CDKL1: variants seen among roughly 807,000 people sequenced by gnomAD.
CDKL1 encodes the protein cyclin dependent kinase like 1, also known as cyclin-dependent kinase-like 1.
CDKL1 carries 41 observed loss-of-function variants against 42.0 expected under a neutral mutation model. The observed-to-expected ratio is 0.98, with a 90% CI of 0.76 to 1.27. The LOEUF is 1.27. Among genes scored for constraint, CDKL1 ranks in the 50% most tolerant of loss-of-function variants. CDKL1 has a pLI of 0.00. For synonymous variants in CDKL1, 153 were observed against 158.6 expected (o/e 0.96, Z 0.26); for missense variants, 394 against 428.4 (o/e 0.92, Z 0.71).
chr14:50,341,163 C>T lies in CDKL1; in HGVS notation c.524G>A (p.Gly175Glu), dbSNP rs751655740. The T allele has an allele frequency of 3.1e-6, 5 of 1,614,042 alleles. No homozygotes were observed. The highest frequency in any genetic ancestry group is 2.7e-5 in the African/African-American group (2 of 74,910). Reference protein sequence around the residue: ...RWYRSPELLVGDTQYGPPVDV... With the variant: ...RWYRSPELLVEDTQYGPPVDV... ...CACCGGGGGGCCGTACTGCGTGTCC[C>T]CCACCAGCAGCTCAGGGGAGCGGTA... Residue 175 changes from glycine to glutamate, a missense_variant, in exon 6 of 10, where the codon GGG (glycine) becomes GAG (glutamate). Physicochemically the swap from Gly to Glu is moderately conservative, Grantham distance 98. Coordinates refer to ENST00000395834, the MANE Select transcript of CDKL1 (RefSeq NM_004196.7).
intron 7 of CDKL1, chr14:50,335,336 A>G (rs1420429631): frequency 3.6e-6 from 2 of 560,276 alleles, no homozygotes; most frequent in East Asian, 3.1e-5. Context: ...CTCTAATTCT[A>G]ATTATATAAA....
At chr14:50,396,693 C>T in intron 1 of CDKL1, 131 bp downstream of exon 1, 1 of 158,160 alleles carries the variant, frequency 6.3e-6, no homozygotes, top group Non-Finnish European at 1.4e-5. Flanking sequence ...CCGCGCCCCG[C>T]GCCCCACGCC....
At chr14:50,369,263 G>A (rs1263554210) in intron 2 of CDKL1, among the ~76,000 whole-genome samples, 1 of 152,082 alleles carries the variant, frequency 6.6e-6, no homozygotes, top group Non-Finnish European at 1.5e-5. Flanking sequence ...TAGACTCTGT[G>A]GCACTTATGA....
chr14:50,336,020 T>C (rs755629644), intron 7 of CDKL1: 1 of 1,366,566 alleles, frequency 7.3e-7, no homozygotes, highest in Non-Finnish European at 9.8e-7. Flanking sequence ...AATATTTCTC[T>C]TGTTCTTTCT....
chr14:50,343,696 A>G (rs540097815), intron 4 of CDKL1, among the ~76,000 whole-genome samples: 52 of 152,178 alleles, frequency 3.4e-4, no homozygotes, highest in African/African-American at 1.2e-3. Context: ...CTCTCCAGGG[A>G]ACTGTGGTAT....
chr14:50,385,756 A>G (rs2035062096), intron 2 of CDKL1, among the ~76,000 whole-genome samples: 1 of 138,376 alleles, frequency 7.2e-6, no homozygotes, highest in South Asian at 2.3e-4. Context: ...GTGAGTTGAG[A>G]TTGCGCCACT....
intron 3 of CDKL1, among the ~76,000 whole-genome samples, chr14:50,349,779 GT>G (rs1454006923): frequency 2.7e-5 from 4 of 148,134 alleles, no homozygotes; most frequent in African/African-American, 1.1e-4. Flanking sequence ...TTTTTGTTTT[GT>G]TTTTTTGAGA....
chr14:50,391,655 T>C (rs2035260831), intron 2 of CDKL1, among the ~76,000 whole-genome samples: 1 of 152,192 alleles, frequency 6.6e-6, no homozygotes. Context: ...AGTGCTGGGA[T>C]TACAGGCGTG....
At chr14:50,391,255 C>T (rs1538904) in intron 2 of CDKL1, among the ~76,000 whole-genome samples, 115,105 of 152,098 alleles carry the variant, frequency 0.76, 44,020 homozygotes, top group African/African-American at 0.87. Context: ...ACCTGAGTTA[C>T]GGAAAGGAGT....
Position 50,345,030 on chromosome 14 carries a change from T to G in CDKL1, c.319A>C (p.Thr107Pro). The G allele has an allele frequency of 1.2e-6, 2 of 1,614,076 alleles. No homozygotes were observed. Among genetic ancestry groups the G allele is most frequent in the Non-Finnish European group, 1.7e-6 (2 of 1,180,000 alleles). ...TTTACAGCTTGCAGTGTCTGCCAAG[T>G]TATGCTCTTCACGAGATGTTCTGGT... ...GVPEHLVKSI[T>P]WQTLQAVNFC... The change falls in exon 4 of 10, where the codon ACT (threonine) becomes CCT (proline). Residue 107 changes from threonine to proline, a missense_variant. Thr to Pro is a conservative substitution (Grantham distance 38, BLOSUM62 -1). Transcript: ENST00000395834.
At chr14:50,362,015 C>T (rs1414300637) in intron 2 of CDKL1, among the ~76,000 whole-genome samples, 1 of 152,236 alleles carries the variant, frequency 6.6e-6, no homozygotes, top group African/African-American at 2.4e-5. Flanking sequence ...GGGCCCGGCA[C>T]TCTAGCGGCC....
intron 4 of CDKL1, among the ~76,000 whole-genome samples, chr14:50,344,275 A>G (rs772666680): frequency 1.3e-5 from 2 of 152,132 alleles, no homozygotes. Flanking sequence ...GGCACTTTGC[A>G]CTGGGTTTGG....
At chr14:50,334,006 A>G (rs948588510) in intron 8 of CDKL1, 1 of 151,992 alleles carries the variant, frequency 6.6e-6, no homozygotes, top group Non-Finnish European at 1.5e-5. Context: ...TTCCCTTTGT[A>G]AAACAATCAC....
chr14:50,334,199 C>T (rs1176325199), intron 8 of CDKL1: 1 of 171,864 alleles, frequency 5.8e-6, no homozygotes, highest in Non-Finnish European at 1.2e-5. Context: ...CTCTGTCACC[C>T]AAGCTGGAGT....
intron 2 of CDKL1, among the ~76,000 whole-genome samples, chr14:50,369,204 G>C (rs974941852): frequency 2.4e-4 from 37 of 152,188 alleles, no homozygotes; most frequent in African/African-American, 8.7e-4. Context: ...TAAAATCCTG[G>C]TTACCAAGAG....
Position 50,326,643 on chromosome 14 carries a change from C to T in CDKL1, c.*3431G>A. The stretch of plus-strand genomic sequence containing the variant: ...AGCTTAGGCTACTATTTTATTAAAA[C>T]TGGACATAGATACTTGGCTGAATAC... On this transcript the variant is annotated 3_prime_UTR_variant, in exon 10 of 10. Coordinates refer to ENST00000395834, the MANE Select transcript of CDKL1 (RefSeq NM_004196.7). 1 of 985,348 alleles carries T rather than the reference C, an allele frequency of 1.0e-6. No homozygotes were observed. 61.0% of individuals were successfully genotyped at this position (985,348 alleles called of 1,614,324 possible).
intron 2 of CDKL1, among the ~76,000 whole-genome samples, chr14:50,384,058 T>C (rs1194975724): frequency 6.6e-6 from 1 of 152,242 alleles, no homozygotes; most frequent in Non-Finnish European, 1.5e-5. Flanking sequence ...TCCCCACTTG[T>C]TGAACCAATA....
At chr14:50,390,406 A>G in intron 2 of CDKL1, 5 of 1,341,570 alleles carry the variant, frequency 3.7e-6, no homozygotes, top group Non-Finnish European at 5.0e-6. Flanking sequence ...TCTTCTTACC[A>G]TTTTCATTCC....
intron 2 of CDKL1, among the ~76,000 whole-genome samples, chr14:50,373,106 A>G (rs2034633978): frequency 6.6e-6 from 1 of 152,150 alleles, no homozygotes; most frequent in Admixed American, 6.6e-5. Context: ...ATTGCATTGA[A>G]CCTGTAGATT....
Sources: gnomAD v4.1 joint callset for allele counts (sites outside exome capture counted in the v4.1 genomes callset) on GRCh38, gnomAD v4.1.1 for gene constraint, MANE v1.5 for transcripts, NCBI Gene and HGNC (gene_info 2026-07-23, HGNC 2026-07-21) for gene names.